DCPS: variants seen among roughly 807,000 people sequenced by gnomAD.
The protein encoded by DCPS is m7GpppX diphosphatase.
A neutral mutation model predicts 34.7 loss-of-function variants in DCPS; 27 were observed. That is an observed-to-expected ratio of 0.78 (90% CI 0.57 to 1.07). The LOEUF is 1.07. Among genes scored for constraint, DCPS ranks in the 50% least tolerant of loss-of-function variants. DCPS has a pLI of 0.00. For synonymous variants in DCPS, 185 were observed against 185.7 expected, an observed-to-expected ratio of 1.00 and a Z score of 0.03; for missense variants, 464 against 436.9, an observed-to-expected ratio of 1.06 and a Z score of -0.55.
At position 126,332,783 on chromosome 11, in the gene DCPS, G is replaced by GTTA. The variant is rs1951803182; in HGVS notation, c.522+1235_522+1236insATT. On this transcript the variant is annotated intron_variant, in intron 3 of 5. Transcript: ENST00000263579. This position sits in a 1 kb window ranked among gnomAD's most constrained non-coding sequence, Gnocchi z 5.4. ...TGACTTGTTTGTTGTTGTTGTTGTT[G>GTTA]TTTGTTTGTTTGTTTTTAAAGTCCC... 6.6e-6 allele frequency among the ~76,000 whole-genome samples: 1 copy of GTTA among 152,026 alleles called. No individual in the cohort carries two copies. Among genetic ancestry groups the GTTA allele is most frequent in the Admixed American group, 6.5e-5 (1 of 15,272 alleles).
At chr11:126,314,851 G>C (rs1438381819) in intron 2 of DCPS, among the ~76,000 whole-genome samples, 1 of 152,100 alleles carries the variant, frequency 6.6e-6, no homozygotes, top group Non-Finnish European at 1.5e-5. Context: ...GGAGTGGTGA[G>C]GGATAAAAGG....
chr11:126,312,404 T>A lies in DCPS; in HGVS notation c.376+5660T>A, dbSNP rs1591381855. 6.6e-6 allele frequency among the ~76,000 whole-genome samples: 1 copy of A among 152,034 alleles called. No individual in the cohort carries two copies. Among genetic ancestry groups the A allele is most frequent in the African/African-American group, 2.4e-5 (1 of 41,370 alleles). ...CCCAGGCTGGAGTGCAGTGGTGCGA[T>A]CTCGGCTCACTGCAACCTCCACCTC... On this transcript the variant is annotated intron_variant, in intron 2 of 5. Transcript: ENST00000263579. The surrounding 1 kb of genome is among the most constrained non-coding windows in gnomAD (Gnocchi z 5.1).
chr11:126,339,678 G>A (rs1006187234), intron 4 of DCPS, among the ~76,000 whole-genome samples: 2 of 152,192 alleles, frequency 1.3e-5, no homozygotes, highest in Non-Finnish European at 2.9e-5. Flanking sequence ...GAGGCTAAGG[G>A]GACGCCTGCA....
At position 126,327,905 on chromosome 11, in the gene DCPS, T is replaced by C. The variant is rs1951752646; in HGVS notation, c.377-3500T>C. On this transcript the variant is annotated intron_variant, in intron 2 of 5. Transcript: ENST00000263579. The surrounding 1 kb of genome is among the most constrained non-coding windows in gnomAD (Gnocchi z 4.1). ...GTCAGACAGTCCATCCACCTGCTGC[T>C]GTGAGGGAGTGAGAAGTGAAGAGGA... 6.6e-6 allele frequency among the ~76,000 whole-genome samples: 1 copy of C among 152,200 alleles called. No homozygotes were observed. Among genetic ancestry groups the C allele is most frequent in the African/African-American group, 2.4e-5 (1 of 41,448 alleles).
At chr11:126,311,992 G>A (rs1951620958) in intron 2 of DCPS, among the ~76,000 whole-genome samples, 2 of 152,162 alleles carry the variant, frequency 1.3e-5, no homozygotes, top group Admixed American at 6.5e-5. Context: ...GTGCAATGGC[G>A]CGATATTGGC....
rs1829962718 is a variant in DCPS at position 126,345,277 on chromosome 11, T to C, written c.748-70T>C. 1 of 1,586,412 alleles carries C rather than the reference T, an allele frequency of 6.3e-7. No homozygotes were observed. On this transcript the variant is annotated intron_variant, in intron 5 of 5. Transcript: ENST00000263579. This position sits in a 1 kb window ranked among gnomAD's most constrained non-coding sequence, Gnocchi z 7.4. ...CCAGGATTCAGATGGGAGGAGGGTC[T>C]AGGTGGGGACATGGCGCCGGGCCTC...
chr11:126,305,550 A>G (rs1409424940), intron 1 of DCPS, among the ~76,000 whole-genome samples: 4 of 145,170 alleles, frequency 2.8e-5, no homozygotes, highest in African/African-American at 1.0e-4. Flanking sequence ...CCTCCCAAGT[A>G]GCTGGGATTA....
intron 2 of DCPS, among the ~76,000 whole-genome samples, chr11:126,308,152 C>A (rs1951589186): frequency 6.6e-6 from 1 of 152,180 alleles, no homozygotes; most frequent in African/African-American, 2.4e-5. Context: ...TGCCAAAAGC[C>A]AGGTGTGACA....
chr11:126,306,691 T>A lies in DCPS; in HGVS notation c.323T>A (p.Phe108Tyr). The stretch of plus-strand genomic sequence containing the variant: ...GGCAGCCCTGAGCTCCAGTTGCAGT[T>A]CTCCAATGATATCTACAGCACCTAT... ...LTGSPELQLQ[F>Y]SNDIYSTYHL... Residue 108 changes from phenylalanine to tyrosine, a missense_variant, in exon 2 of 6, where the codon TTC (phenylalanine) becomes TAC (tyrosine). By Grantham distance (22) the Phe-to-Tyr change is conservative (BLOSUM62 3). Coordinates refer to ENST00000263579, the MANE Select transcript of DCPS (RefSeq NM_014026.6). The A allele has an allele frequency of 6.2e-7, 1 of 1,613,546 alleles. No individual in the cohort carries two copies. The highest frequency in any genetic ancestry group is 8.5e-7 in the Non-Finnish European group (1 of 1,179,612).
At position 126,345,661 on chromosome 11, in the gene DCPS, G is replaced by T. The variant is rs1377345068; in HGVS notation, c.*48G>T. ...AGATGTGTGGGATTGGGGGAGGAGT[G>T]GGGACAAGATTTTTTATCTCCAAGT... is the stretch of plus-strand genomic sequence containing the variant. On this transcript the variant is annotated 3_prime_UTR_variant, in exon 6 of 6. Transcript: ENST00000263579. This position sits in a 1 kb window ranked among gnomAD's most constrained non-coding sequence, Gnocchi z 7.4. The T allele has an allele frequency of 6.3e-7, 1 of 1,581,696 alleles. No homozygotes were observed. Among genetic ancestry groups the T allele is most frequent in the Admixed American group, 1.8e-5 (1 of 56,554 alleles).
chr11:126,306,484 C>T (rs1469692823), intron 1 of DCPS, 86 bp from the exon 2 acceptor site: 5 of 1,367,680 alleles, frequency 3.7e-6, no homozygotes, highest in Non-Finnish European at 4.8e-6. Flanking sequence ...ATTGGGAATT[C>T]AAAGGCCCTG....
chr11:126,330,838 G>A (rs1315238907), intron 2 of DCPS, among the ~76,000 whole-genome samples: 2 of 144,832 alleles, frequency 1.4e-5, no homozygotes, highest in Non-Finnish European at 3.0e-5. Flanking sequence ...CCAGGTTCAA[G>A]TGGTTCTCCC....
chr11:126,326,168 A>G (rs1591386635), intron 2 of DCPS, among the ~76,000 whole-genome samples: 1 of 152,206 alleles, frequency 6.6e-6, no homozygotes, highest in Non-Finnish European at 1.5e-5. Context: ...GGAGGGTGGG[A>G]CTGGGGAGTT....
At chr11:126,318,844 G>T (rs1951682529) in intron 2 of DCPS, among the ~76,000 whole-genome samples, 1 of 152,222 alleles carries the variant, frequency 6.6e-6, no homozygotes, top group African/African-American at 2.4e-5. Flanking sequence ...ATGGGAAGGA[G>T]AGCAGACTGT....
chr11:126,343,651 G>GA (rs1307115767), intron 5 of DCPS, among the ~76,000 whole-genome samples: 1 of 152,056 alleles, frequency 6.6e-6, no homozygotes, highest in Admixed American at 6.6e-5. Context: ...CTCCATCTGG[G>GA]ATGCACTTCC....
chr11:126,324,735 C>G (rs1386898064), intron 2 of DCPS, among the ~76,000 whole-genome samples: 1 of 150,756 alleles, frequency 6.6e-6, no homozygotes, highest in Non-Finnish European at 1.5e-5. Flanking sequence ...CTTGGCCTCC[C>G]AAATTGCTGG....
At chr11:126,340,483 G>A (rs919148949) in intron 4 of DCPS, among the ~76,000 whole-genome samples, 2 of 152,154 alleles carry the variant, frequency 1.3e-5, no homozygotes, top group African/African-American at 2.4e-5. Flanking sequence ...CACCGCGCCC[G>A]ACCTTAATTC....
rs2135329636 is a variant in DCPS, at chr11:126,334,221, A to C, written c.522+2671A>C. Among the ~76,000 whole-genome samples, 1 of 152,332 alleles carries C rather than the reference A, an allele frequency of 6.6e-6. No individual in the cohort carries two copies. The highest frequency in any genetic ancestry group is 2.1e-4 in the South Asian group (1 of 4,826). On this transcript the variant is annotated intron_variant, in intron 3 of 5. Transcript: ENST00000263579. This position sits in a 1 kb window ranked among gnomAD's most constrained non-coding sequence, Gnocchi z 5.5. The stretch of plus-strand genomic sequence containing the variant: ...ATGACCCAGTATAGGGGACAGAAAC[A>C]GAAGAGTGGGTTTGCATGGAAGACA...
intron 4 of DCPS, among the ~76,000 whole-genome samples, chr11:126,340,426 A>G (rs1951867279): frequency 6.6e-6 from 1 of 152,120 alleles, no homozygotes; most frequent in African/African-American, 2.4e-5. Context: ...GATTCAAGCA[A>G]TTCTCGTGCC....
Sources: gnomAD v4.1 joint callset for allele counts (sites outside exome capture counted in the v4.1 genomes callset) on GRCh38, gnomAD v4.1.1 for gene constraint, Gnocchi (gnomAD v3.1) non-coding constraint, MANE v1.5 for transcripts, NCBI Gene and HGNC (gene_info 2026-07-23, HGNC 2026-07-21) for gene names.